CLDN10: variants seen among roughly 807,000 people sequenced by gnomAD.
CLDN10 encodes claudin-10.
A neutral mutation model predicts 22.9 loss-of-function variants in CLDN10; 15 were observed. That is an observed-to-expected ratio of 0.65 (90% CI 0.44 to 1.01). The LOEUF is 1.01. CLDN10 is among the 50% of genes least tolerant of loss of function. The pLI, the probability that CLDN10 is intolerant of heterozygous loss-of-function variation, is 0.00. For synonymous variants in CLDN10, 114 were observed against 111.4 expected (o/e 1.02, Z -0.15); for missense variants, 247 against 287.8 (o/e 0.86, Z 1.03).
At chr13:95,543,211 G>A (rs762070569) in intron 1 of CLDN10, among the ~76,000 whole-genome samples, 32 of 151,614 alleles carry the variant, frequency 2.1e-4, no homozygotes, top group Non-Finnish European at 2.1e-4. Flanking sequence ...CAGCCTGGGC[G>A]ACAGAGCGAG....
intron 1 of CLDN10, among the ~76,000 whole-genome samples, chr13:95,546,843 C>A (rs977694252): frequency 3.3e-5 from 5 of 152,142 alleles, no homozygotes; most frequent in African/African-American, 1.2e-4. Context: ...AGTGCTGTCT[C>A]CCCTTGATTT....
upstream of CLDN10, among the ~76,000 whole-genome samples, chr13:95,549,028 C>T (rs1375013812): frequency 6.6e-6 from 1 of 152,154 alleles, no homozygotes; most frequent in African/African-American, 2.4e-5. Flanking sequence ...TCTTTAATAA[C>T]CATAATAAGC....
intron 1 of CLDN10, among the ~76,000 whole-genome samples, chr13:95,540,050 A>G (rs2043442856): frequency 6.6e-6 from 1 of 152,150 alleles, no homozygotes. Flanking sequence ...CTGTAATTCC[A>G]GCACTTTGGG....
intron 1 of CLDN10, among the ~76,000 whole-genome samples, chr13:95,465,691 A>G (rs2042576547): frequency 6.6e-6 from 1 of 152,298 alleles, no homozygotes; most frequent in East Asian, 1.9e-4. Flanking sequence ...TCATGCTGGC[A>G]TTGTTTATGA....
At chr13:95,521,987 ACTGCAGGAT>A in intron 1 of CLDN10, among the ~76,000 whole-genome samples, 1 of 124,912 alleles carries the variant, frequency 8.0e-6, no homozygotes, top group African/African-American at 3.0e-5. Flanking sequence ...TTCTTTAATG[ACTGCAGGAT>A]CTACACTGAT....
At chr13:95,445,677 G>C (rs947927386) in intron 1 of CLDN10, among the ~76,000 whole-genome samples, 1 of 152,198 alleles carries the variant, frequency 6.6e-6, no homozygotes, top group Non-Finnish European at 1.5e-5. Flanking sequence ...CAGTCAGTCA[G>C]TTTCTTAACT....
chr13:95,452,774 A>C (rs191688260), intron 1 of CLDN10, among the ~76,000 whole-genome samples: 352 of 152,294 alleles, frequency 2.3e-3, no homozygotes, highest in Non-Finnish European at 4.5e-3. Context: ...TTGGTTTGGA[A>C]ATAGTTGTTC....
chr13:95,560,421 A>C lies in CLDN10; in HGVS notation c.422A>C (p.Lys141Thr), dbSNP rs770886300. The change falls in exon 3 of 5, where the codon AAA (lysine) becomes ACA (threonine). Residue 141 changes from lysine (K) to threonine (T), a missense_variant. Lys to Thr is a moderately conservative substitution (Grantham distance 78, BLOSUM62 -1). Coordinates refer to ENST00000299339, the MANE Select transcript of CLDN10 (RefSeq NM_006984.5). ...SMTGCSLYAN[K>T]ITTEFFDPLF... ...ACTGGATGTTCCCTATATGCAAACA[A>C]AATCACAACGGAATTCTTTGATCCT... 1 of 1,614,126 alleles carries C rather than the reference A, an allele frequency of 6.2e-7. No individual in the cohort carries two copies. The highest frequency in any genetic ancestry group is 8.5e-7 in the Non-Finnish European group (1 of 1,179,954).
At chr13:95,458,261 A>T (rs36124022) in intron 1 of CLDN10, among the ~76,000 whole-genome samples, 45,642 of 152,154 alleles carry the variant, frequency 0.3, 8,432 homozygotes, top group Non-Finnish European at 0.41. Context: ...GAGGTAGAGA[A>T]ATAGCCTCCG....
Position 95,577,135 on chromosome 13 carries a change from C to T in CLDN10, c.465-96C>T. 5 of 777,570 alleles carry T rather than the reference C, an allele frequency of 6.4e-6. No individual in the cohort carries two copies. In the South Asian group the frequency reaches 8.7e-5, roughly 13 times the overall value. 48.2% of individuals were successfully genotyped at this position (777,570 alleles called of 1,614,324 possible). ...TTTACAATTTTCAATAGCAAAAAAACATAATAAGCATTTAGTAAATGTTGA... is the reference window on the plus strand; with the variant it reads ...TTTACAATTTTCAATAGCAAAAAAATATAATAAGCATTTAGTAAATGTTGA... On this transcript the variant is annotated intron_variant, in intron 3 of 4. Transcript: ENST00000299339.
intron 1 of CLDN10, among the ~76,000 whole-genome samples, chr13:95,523,426 A>C (rs376408541): frequency 2.4e-4 from 37 of 152,252 alleles, no homozygotes; most frequent in African/African-American, 7.7e-4. Context: ...TCATCCGTTT[A>C]AGTTTACTCA....
rs534566519 is a variant in CLDN10, at chr13:95,451,280, C to T, written c.214+17233C>T. Among the ~76,000 whole-genome samples the T allele has an allele frequency of 5.3e-5, 8 of 152,348 alleles. No homozygotes were observed. In the South Asian group the frequency reaches 8.3e-4, roughly 16 times the overall value. ...AACTTCTCCCTTCTCTGTGCTTCTG[C>T]TCATGCCATTTGGGGCACACACCTT... On this transcript the variant is annotated intron_variant, in intron 1 of 4. Coordinates refer to the CLDN10 transcript ENST00000376873.
intron 1 of CLDN10, among the ~76,000 whole-genome samples, chr13:95,488,199 G>A (rs1274004456): frequency 2.0e-5 from 3 of 148,954 alleles, no homozygotes; most frequent in African/African-American, 7.5e-5. Flanking sequence ...TAGCCAGGCT[G>A]GTCTCAAACT....
intron 1 of CLDN10, among the ~76,000 whole-genome samples, chr13:95,554,499 T>C (rs1459135778): frequency 6.6e-6 from 1 of 152,088 alleles, no homozygotes; most frequent in East Asian, 1.9e-4. Context: ...ACCATACCTG[T>C]TTGGGGGCAG....
rs541635534 is a variant in CLDN10, at chr13:95,476,904, C to G, written c.214+42857C>G. ...TGTTCACTTATTCATTCAACAGTCA[C>G]TGATTGTGCTCTTTTCTGTGTGTGT... On this transcript the variant is annotated intron_variant, in intron 1 of 4. Transcript: ENST00000376873. 7.9e-5 allele frequency among the ~76,000 whole-genome samples: 12 copies of G among 152,212 alleles called. No homozygotes were observed. In the South Asian group the frequency reaches 2.5e-3, roughly 32 times the overall value.
intron 1 of CLDN10, among the ~76,000 whole-genome samples, chr13:95,523,528 C>T (rs770845958): frequency 1.3e-5 from 2 of 152,058 alleles, no homozygotes; most frequent in Non-Finnish European, 2.9e-5. Context: ...AAATATTTGC[C>T]GTTTATTTCC....
chr13:95,549,192 A>T (rs2043540205), upstream of CLDN10, among the ~76,000 whole-genome samples: 1 of 152,262 alleles, frequency 6.6e-6, no homozygotes. Flanking sequence ...TTTTGTAAAG[A>T]CTAAACTATT....
chr13:95,508,496 C>T (rs777543646), intron 1 of CLDN10, among the ~76,000 whole-genome samples: 5 of 152,368 alleles, frequency 3.3e-5, no homozygotes, highest in Non-Finnish European at 5.9e-5. Context: ...CCAGGACAAA[C>T]CATTGTCCAA....
rs778502386 is a variant in CLDN10, at chr13:95,546,515, A to AC, written c.215-13616dup. ...AATGCCTACATTTTGAAGAAAAAAA[A>AC]CTCTCAAAATGAAGCACTAGCTTAT... is the stretch of plus-strand genomic sequence containing the variant. On this transcript the variant is annotated intron_variant, in intron 1 of 4. Coordinates refer to the CLDN10 transcript ENST00000376873. Among the ~76,000 whole-genome samples, 15 of 152,182 alleles carry AC rather than the reference A, an allele frequency of 9.9e-5. 1 individual carries two copies. The highest frequency in any genetic ancestry group is 1.9e-4 in the Non-Finnish European group (13 of 67,982).
Sources: gnomAD v4.1 joint callset for allele counts (sites outside exome capture counted in the v4.1 genomes callset) on GRCh38, gnomAD v4.1.1 for gene constraint, MANE v1.5 for transcripts, NCBI Gene and HGNC (gene_info 2026-07-23, HGNC 2026-07-21) for gene names.